Variants in MSRA observed in about 807,000 individuals in gnomAD.
MSRA encodes the protein methionine sulfoxide reductase A, also known as mitochondrial peptide methionine sulfoxide reductase.
In MSRA, 54 loss-of-function variants were observed where a neutral mutation model predicts 31.3. That is an observed-to-expected ratio of 1.73 (90% CI 1.39 to 2.17). The LOEUF (loss-of-function observed/expected upper bound fraction) is 2.17. Ranked by LOEUF, MSRA falls within the 30% of genes most tolerant of loss-of-function variation. The pLI, the probability that MSRA is intolerant of heterozygous loss-of-function variation, is 0.00. For synonymous variants in MSRA, 169 were observed against 116.5 expected (o/e 1.45, Z -2.90); for missense variants, 507 against 300.9 (o/e 1.69, Z -5.07).
intron 5 of MSRA, among the ~76,000 whole-genome samples, chr8:10,426,047 A>C (rs1809139738): frequency 6.6e-6 from 1 of 152,182 alleles, no homozygotes; most frequent in South Asian, 2.1e-4. Context: ...GCCACCTGGC[A>C]TCCCAAAGCC....
intron 1 of MSRA, among the ~76,000 whole-genome samples, chr8:10,094,998 C>T (rs1156499799): frequency 6.6e-6 from 1 of 152,142 alleles, no homozygotes; most frequent in African/African-American, 2.4e-5. Context: ...TTAGAGCCTC[C>T]TTAAAAATAA....
At chr8:10,212,250 A>G (rs1408739152) in intron 2 of MSRA, among the ~76,000 whole-genome samples, 1 of 152,192 alleles carries the variant, frequency 6.6e-6, no homozygotes, top group Non-Finnish European at 1.5e-5. Context: ...ACTAGGATAC[A>G]TTCGAGAGTA....
rs766936093 is a variant in MSRA at position 10,207,904 on chromosome 8, A to G, written c.211+3A>G. 1.9e-6 allele frequency: 3 copies of G among 1,610,702 alleles called. No homozygotes were observed. The highest frequency in any genetic ancestry group is 1.7e-6 in the Non-Finnish European group (2 of 1,177,926). Reference sequence around the variant, plus strand: ...GGGAACACAGATGGCTGTATTTGGTAAGATATCAATTCTGAAAGAAAACCC... The same window carrying G: ...GGGAACACAGATGGCTGTATTTGGTGAGATATCAATTCTGAAAGAAAACCC... On this transcript the variant is annotated splice_donor_region_variant and intron_variant, in intron 2 of 5. Transcript: ENST00000317173.
At chr8:10,059,109 C>G (rs1290852085) in intron 1 of MSRA, 2 of 152,100 alleles carry the variant, frequency 1.3e-5, no homozygotes, top group Non-Finnish European at 2.9e-5. Context: ...GGTGGTATCT[C>G]AAGTCAGTGG....
intron 5 of MSRA, among the ~76,000 whole-genome samples, chr8:10,416,875 C>T (rs897035777): frequency 2.6e-5 from 4 of 152,246 alleles, no homozygotes; most frequent in East Asian, 1.9e-4. Context: ...TCCCCGTCCT[C>T]TGCAGAGACA....
chr8:10,101,126 C>T (rs190869504), intron 1 of MSRA, among the ~76,000 whole-genome samples: 11 of 152,282 alleles, frequency 7.2e-5, no homozygotes, highest in Admixed American at 2.0e-4. Flanking sequence ...TGTTCCTCAG[C>T]ATCTCCCCAA....
chr8:10,388,871 G>T (rs961208826), intron 5 of MSRA, among the ~76,000 whole-genome samples: 1 of 151,376 alleles, frequency 6.6e-6, no homozygotes, highest in African/African-American at 2.4e-5. Context: ...ACCCACCCCT[G>T]CCACTGCTAC....
chr8:10,125,050 A>T lies in MSRA; in HGVS notation c.142+70392A>T, dbSNP rs552004682. ...GCAATTCACCTGTTCCATCTTCTTG[A>T]TGAAACACTAGTTGCTCTGTGTCTG... On this transcript the variant is annotated intron_variant, in intron 1 of 5. Transcript: ENST00000317173. Among the ~76,000 whole-genome samples, 17 of 152,370 alleles carry T rather than the reference A, an allele frequency of 1.1e-4. 1 individual carries two copies. In the South Asian group the frequency reaches 3.5e-3, roughly 32 times the overall value.
intron 1 of MSRA, among the ~76,000 whole-genome samples, chr8:10,089,849 C>G (rs1028007934): frequency 2.0e-5 from 3 of 152,128 alleles, no homozygotes; most frequent in African/African-American, 7.2e-5. Context: ...AGAAACAGTC[C>G]CGTTTCATGA....
chr8:10,066,520 G>A (rs976988857), intron 1 of MSRA, among the ~76,000 whole-genome samples: 16 of 151,970 alleles, frequency 1.1e-4, no homozygotes, highest in African/African-American at 3.9e-4. Context: ...AATATCTCCA[G>A]TTCAGCTGAT....
chr8:10,165,345 A>T (rs1309816660), intron 1 of MSRA, among the ~76,000 whole-genome samples: 2 of 150,266 alleles, frequency 1.3e-5, no homozygotes, highest in Non-Finnish European at 2.9e-5. Flanking sequence ...TTCTTTTTTT[A>T]AAAAACAAAC....
chr8:10,132,455 C>A (rs1023439281), intron 1 of MSRA, among the ~76,000 whole-genome samples: 1 of 152,144 alleles, frequency 6.6e-6, no homozygotes, highest in Non-Finnish European at 1.5e-5. Context: ...GTGGCTTCAA[C>A]AACAAATTTA....
intron 1 of MSRA, among the ~76,000 whole-genome samples, chr8:10,142,421 T>A: frequency 6.6e-6 from 1 of 152,234 alleles, no homozygotes; most frequent in Non-Finnish European, 1.5e-5. Context: ...GGGCTTCTGC[T>A]TCTAAATCCG....
intron 3 of MSRA, among the ~76,000 whole-genome samples, chr8:10,254,211 A>C (rs1006068706): frequency 6.6e-6 from 1 of 152,232 alleles, no homozygotes. Context: ...GGGAGGTAGC[A>C]TCACGTCTCT....
chr8:10,120,585 T>G (rs1286543759), intron 1 of MSRA, among the ~76,000 whole-genome samples: 1 of 152,240 alleles, frequency 6.6e-6, no homozygotes, highest in Non-Finnish European at 1.5e-5. Context: ...TTCGGATATT[T>G]GCTGAACATC....
chr8:10,415,224 C>A lies in MSRA; in HGVS notation c.544-12924C>A, dbSNP rs188892894. Among the ~76,000 whole-genome samples the A allele has an allele frequency of 6.6e-5, 10 of 152,292 alleles. No individual in the cohort carries two copies. In the East Asian group the frequency reaches 1.7e-3, roughly 26 times the overall value. ...CAGCCTGGTGGGTCCCCACCATTCA[C>A]GATGTGCGGTAGAGAAGGAAGGACC... On this transcript the variant is annotated intron_variant, in intron 5 of 5. Transcript: ENST00000317173.
At chr8:10,291,921 A>C (rs1800258729) in intron 3 of MSRA, among the ~76,000 whole-genome samples, 1 of 152,208 alleles carries the variant, frequency 6.6e-6, no homozygotes, top group Admixed American at 6.5e-5. Flanking sequence ...TTCCCGTGGC[A>C]CAAGGGTTGT....
chr8:10,187,184 T>C (rs1807130520), intron 1 of MSRA, among the ~76,000 whole-genome samples: 1 of 152,216 alleles, frequency 6.6e-6, no homozygotes, highest in Non-Finnish European at 1.5e-5. Flanking sequence ...AGCCGCTGAT[T>C]GAGCCCCCTT....
chr8:10,126,167 C>T (rs1218804188), intron 1 of MSRA, among the ~76,000 whole-genome samples: 4 of 152,186 alleles, frequency 2.6e-5, no homozygotes, highest in South Asian at 2.1e-4. Context: ...TTAATGAATA[C>T]TGCCTGGTGA....
Sources: gnomAD v4.1 joint callset for allele counts (sites outside exome capture counted in the v4.1 genomes callset) on GRCh38, gnomAD v4.1.1 for gene constraint, MANE v1.5 for transcripts, NCBI Gene and HGNC (gene_info 2026-07-23, HGNC 2026-07-21) for gene names.